The following LOC400499 variants were observed in gnomAD, a reference collection of about 807,000 sequenced individuals.
chr16:11,391,339 T>C, the LOC400499 span, among the ~76,000 whole-genome samples: 4 of 152,240 alleles, frequency 2.6e-5, no homozygotes, highest in South Asian at 6.2e-4. Flanking sequence ...CAGAAAGAGA[T>C]GCTGTGGCAG....
chr16:11,525,755 T>C, the LOC400499 span, among the ~76,000 whole-genome samples: 2 of 152,196 alleles, frequency 1.3e-5, no homozygotes, highest in Admixed American at 6.5e-5. Flanking sequence ...TCTGAGAGCA[T>C]TGTGCTTGAA....
chr16:11,372,626 G>C, the LOC400499 span: 49 of 516,242 alleles, frequency 9.5e-5, no homozygotes, highest in Non-Finnish European at 1.2e-4. Context: ...ATTCCATGCT[G>C]GTTATTCTGT....
chr16:11,384,824 T>G, the LOC400499 span: 1 of 1,221,954 alleles, frequency 8.2e-7, no homozygotes, highest in Non-Finnish European at 1.0e-6. Flanking sequence ...CCTGGAAGCT[T>G]AAAGGGGTGC....
At chr16:11,484,639 G>GGC in the LOC400499 span, among the ~76,000 whole-genome samples, 1 of 152,136 alleles carries the variant, frequency 6.6e-6, no homozygotes, top group Non-Finnish European at 1.5e-5. Flanking sequence ...GTGGTGGACA[G>GGC]GCAGGCTGTA....
chr16:11,431,996 G>C, the LOC400499 span, among the ~76,000 whole-genome samples: 3 of 152,178 alleles, frequency 2.0e-5, no homozygotes, highest in African/African-American at 7.2e-5. Context: ...CAGCCACCTG[G>C]TAAGAAGTCT....
the LOC400499 span, chr16:11,372,078 A>G: frequency 2.0e-5 from 3 of 152,208 alleles, no homozygotes; most frequent in Admixed American, 6.5e-5. Context: ...TTCCCAAAAG[A>G]AAGTAAAACA....
At chr16:11,525,586 T>C in the LOC400499 span, among the ~76,000 whole-genome samples, 1 of 152,178 alleles carries the variant, frequency 6.6e-6, no homozygotes, top group Non-Finnish European at 1.5e-5. Flanking sequence ...ATTAAACATA[T>C]GTGTGCGTAA....
At chr16:11,428,240 T>TCTC in the LOC400499 span, among the ~76,000 whole-genome samples, 23,167 of 151,940 alleles carry the variant, frequency 0.15, 3,411 homozygotes, top group African/African-American at 0.38. Flanking sequence ...CGTGGCGTAA[T>TCTC]CTCTCACTGC....
chr16:11,511,280 A>T, the LOC400499 span, among the ~76,000 whole-genome samples: 3 of 152,142 alleles, frequency 2.0e-5, no homozygotes, highest in African/African-American at 7.2e-5. Flanking sequence ...TACAGGCTTG[A>T]GCCACTGTGC....
the LOC400499 span, among the ~76,000 whole-genome samples, chr16:11,406,526 G>A: frequency 7.9e-5 from 12 of 152,186 alleles, no homozygotes; most frequent in African/African-American, 2.4e-4. Flanking sequence ...TCCACATCCT[G>A]GGTTCAAGCA....
chr16:11,493,808 T>G, the LOC400499 span: 1 of 345,818 alleles, frequency 2.9e-6, no homozygotes, highest in Non-Finnish European at 4.9e-6. Context: ...TAAATCGAGA[T>G]GGAGGTAGGA....
At chr16:11,480,205 G>C in the LOC400499 span, among the ~76,000 whole-genome samples, 1 of 152,224 alleles carries the variant, frequency 6.6e-6, no homozygotes, top group Non-Finnish European at 1.5e-5. Flanking sequence ...ATGTTTCTCA[G>C]GATGTGAGTC....
At chr16:11,507,568 G>T in the LOC400499 span, among the ~76,000 whole-genome samples, 1 of 152,190 alleles carries the variant, frequency 6.6e-6, no homozygotes, top group South Asian at 2.1e-4. Context: ...TCACTGAGAT[G>T]ATTAAATTAG....
At chr16:11,392,171 A>G in the LOC400499 span, 123,090 of 398,976 alleles carry the variant, frequency 0.31, 19,457 homozygotes, top group African/African-American at 0.37. Flanking sequence ...CGGTGCCAGC[A>G]GCAGGTGTGG....
the LOC400499 span, among the ~76,000 whole-genome samples, chr16:11,457,613 A>G: frequency 6.6e-6 from 1 of 151,092 alleles, no homozygotes. Flanking sequence ...AAAAAAAATT[A>G]AAGATCGAAT....
chr16:11,389,685 C>CAA, the LOC400499 span, among the ~76,000 whole-genome samples: 38,018 of 59,200 alleles, frequency 0.64, 12,568 homozygotes, highest in Non-Finnish European at 0.76. Context: ...AACTCCATCT[C>CAA]AAAAAAAAAA....
At chr16:11,399,202 C>A in the LOC400499 span, 1 of 985,290 alleles carries the variant, frequency 1.0e-6, no homozygotes, top group Non-Finnish European at 1.2e-6. Flanking sequence ...CCCGAGAAGC[C>A]CCCTAGCATC....
At chr16:11,449,678 C>G in the LOC400499 span, among the ~76,000 whole-genome samples, 4 of 152,252 alleles carry the variant, frequency 2.6e-5, no homozygotes, top group Non-Finnish European at 5.9e-5. Context: ...GCCTCCAACC[C>G]AATACCAGAA....
the LOC400499 span, among the ~76,000 whole-genome samples, chr16:11,499,557 C>T: frequency 6.6e-6 from 1 of 152,084 alleles, no homozygotes; most frequent in Non-Finnish European, 1.5e-5. Context: ...ACACAGTCTA[C>T]CTGGAACAGC....
Sources: allele counts gnomAD v4.1 joint callset (sites outside exome capture counted in the v4.1 genomes callset), GRCh38; gene constraint gnomAD v4.1.1; transcripts MANE v1.5.